FFAR1: variants seen among roughly 807,000 people sequenced by gnomAD.
FFAR1 encodes the protein free fatty acid receptor 1, also known as G-protein coupled receptor 40.
For missense variants in FFAR1, 424 were observed against 396.2 expected (o/e 1.07, Z -0.60); for synonymous variants, 216 against 201.5 (o/e 1.07, Z -0.61).
Position 35,351,956 on chromosome 19 carries a change from GT to G in FFAR1, c.406del (p.Cys136ValfsTer79). 1.2e-6 allele frequency: 2 copies of G among 1,614,172 alleles called. No individual in the cohort carries two copies. The highest frequency in any genetic ancestry group is 8.5e-7 in the Non-Finnish European group (1 of 1,179,994). ...GCGCGGCCATCTGGGCCCTCGTCCT[GT>G]GTCACCTGGGTCTGGTCTTTGGGTT... On this transcript the variant is annotated frameshift_variant, in exon 1 of 1. Transcript: ENST00000246553. LOFTEE classifies it low-confidence loss of function (END_TRUNC).
At chr19:35,353,344 C>T (rs1248095668) in exon 1 of FFAR1, 1 of 152,046 alleles carries the variant, frequency 6.6e-6, no homozygotes, top group Non-Finnish European at 1.5e-5. Context: ...AAATAATTAG[C>T]TGGGCGTGGT....
chr19:35,350,887 A>G (rs2066941477), upstream of FFAR1, among the ~76,000 whole-genome samples: 2 of 151,404 alleles, frequency 1.3e-5, no homozygotes, highest in Non-Finnish European at 2.9e-5. Context: ...TGTTCCCCAG[A>G]CCCCCAGACC....
exon 1 of FFAR1, chr19:35,352,536 A>G: frequency 6.9e-7 from 1 of 1,443,914 alleles, no homozygotes; most frequent in Non-Finnish European, 9.2e-7. Context: ...CTTCGGAGGA[A>G]CTGCAGGGCA....
At chr19:35,348,459 C>T (rs117347607), upstream of FFAR1, among the ~76,000 whole-genome samples, 70 of 152,248 alleles carry the variant, frequency 4.6e-4, no homozygotes, top group Non-Finnish European at 8.7e-4. Flanking sequence ...ATTAGCTGAG[C>T]GTGGTGATTC....
exon 1 of FFAR1, chr19:35,351,800 G>C: frequency 6.2e-7 from 1 of 1,600,186 alleles, no homozygotes; most frequent in East Asian, 2.3e-5. Flanking sequence ...CCGTCTTCGC[G>C]GTGGCCCACT....
chr19:35,349,477 G>GT (rs2066935487), upstream of FFAR1, among the ~76,000 whole-genome samples: 1 of 152,240 alleles, frequency 6.6e-6, no homozygotes, highest in Non-Finnish European at 1.5e-5. Flanking sequence ...ACAACACACT[G>GT]AACAGTAGGA....
At chr19:35,352,355 T>C in exon 1 of FFAR1, 1 of 1,552,182 alleles carries the variant, frequency 6.4e-7, no homozygotes, top group South Asian at 1.2e-5. Context: ...GTGCCTGGAG[T>C]GTGGTGCTTA....
upstream of FFAR1, among the ~76,000 whole-genome samples, chr19:35,349,547 G>A (rs77465217): frequency 5.9e-5 from 9 of 152,226 alleles, no homozygotes; most frequent in Non-Finnish European, 8.8e-5. Flanking sequence ...AGAAAAAGGC[G>A]AGCATGGACC....
At chr19:35,351,125 G>A (rs1053772505), upstream of FFAR1, among the ~76,000 whole-genome samples, 4 of 152,192 alleles carry the variant, frequency 2.6e-5, no homozygotes, top group African/African-American at 9.6e-5. Flanking sequence ...GGGCTCAGGA[G>A]TCAAACTCCC....
chr19:35,351,920 C>T, exon 1 of FFAR1: 7 of 1,614,114 alleles, frequency 4.3e-6, no homozygotes, highest in Non-Finnish European at 5.9e-6. Flanking sequence ...CGTGCTATTC[C>T]TGGGGGGTGT....
At chr19:35,353,180 T>C (rs1004377720) in exon 1 of FFAR1, 1 of 152,338 alleles carries the variant, frequency 6.6e-6, no homozygotes, top group Non-Finnish European at 1.5e-5. Context: ...ATATAAACAA[T>C]TGAGTAAGAC....
chr19:35,349,524 G>C (rs958829928), upstream of FFAR1, among the ~76,000 whole-genome samples: 18 of 152,236 alleles, frequency 1.2e-4, no homozygotes, highest in African/African-American at 4.1e-4. Flanking sequence ...CTGCACCCCA[G>C]GTGCTGCTCT....
At chr19:35,350,751 C>G (rs1464230360), upstream of FFAR1, among the ~76,000 whole-genome samples, 3 of 152,232 alleles carry the variant, frequency 2.0e-5, no homozygotes, top group Non-Finnish European at 4.4e-5. Flanking sequence ...GCCCTCCTCC[C>G]CTTCCGGCTC....
exon 1 of FFAR1, chr19:35,352,037 A>C: frequency 6.2e-7 from 1 of 1,613,506 alleles, no homozygotes; most frequent in Non-Finnish European, 8.5e-7. Flanking sequence ...GCATCAACAC[A>C]CCGGTCAACG....
Position 35,352,483 on chromosome 19 carries a change from GCAGGAGGGC to G in FFAR1, c.*31_*39del, listed in dbSNP as rs748369472. The G allele has an allele frequency of 2.1e-5, 32 of 1,541,342 alleles. No homozygotes were observed. The South Asian group carries it at 3.8e-4, about 18-fold the overall frequency. ...CACTGCTCGGGGGAAGGAGCATGGG[GCAGGAGGGC>G]CCGGCTGCTTCTCCAGGCCCCTGCG... On this transcript the variant is annotated 3_prime_UTR_variant, in exon 1 of 1. Transcript: ENST00000246553.
At chr19:35,347,931 C>A (rs373059633), upstream of FFAR1, among the ~76,000 whole-genome samples, 1 of 150,088 alleles carries the variant, frequency 6.7e-6, no homozygotes, top group East Asian at 1.9e-4. Context: ...AGGTCCTCTG[C>A]ACCCGTTCTC....
upstream of FFAR1, among the ~76,000 whole-genome samples, chr19:35,348,816 G>A (rs1458482774): frequency 6.6e-6 from 1 of 152,186 alleles, no homozygotes; most frequent in Non-Finnish European, 1.5e-5. Context: ...GCCGCCAAGG[G>A]TTTTTAAGGC....
At chr19:35,349,183 C>G (rs2066934283), upstream of FFAR1, among the ~76,000 whole-genome samples, 1 of 152,146 alleles carries the variant, frequency 6.6e-6, no homozygotes, top group Admixed American at 6.5e-5. Flanking sequence ...AAAGCCTTTG[C>G]CCTCAGGAGG....
chr19:35,350,320 G>C (rs1194120832), upstream of FFAR1, among the ~76,000 whole-genome samples: 1 of 152,208 alleles, frequency 6.6e-6, no homozygotes. Context: ...AGCCTGTGCA[G>C]AACCGCACCC....
Sources: allele counts gnomAD v4.1 joint callset (sites outside exome capture counted in the v4.1 genomes callset), GRCh38; gene constraint gnomAD v4.1.1; transcripts MANE v1.5; gene names NCBI Gene and HGNC (gene_info 2026-07-23, HGNC 2026-07-21).